Variants in STX18 observed in about 807,000 individuals in gnomAD.
STX18 encodes the protein syntaxin-18.
Under a neutral mutation model 50.1 loss-of-function variants are expected in STX18, and 40 were observed. The ratio of observed to expected loss-of-function variants is 0.80; its 90% CI spans 0.62 to 1.04. The LOEUF is 1.04. Ranked by LOEUF, STX18 falls within the 50% of genes least tolerant of loss-of-function variation. The pLI is 0.00. For synonymous variants in STX18, 158 were observed against 151.8 expected (o/e 1.04, Z -0.30); for missense variants, 410 against 415.8 (o/e 0.99, Z 0.12).
At chr4:4,534,348 G>C (rs1488767739) in intron 1 of STX18, among the ~76,000 whole-genome samples, 1 of 152,160 alleles carries the variant, frequency 6.6e-6, no homozygotes, top group African/African-American at 2.4e-5. Context: ...CTCTAACCCT[G>C]AAAACTCTGT....
At chr4:4,475,868 C>T (rs917986444) in intron 1 of STX18, among the ~76,000 whole-genome samples, 2 of 152,130 alleles carry the variant, frequency 1.3e-5, no homozygotes, top group Non-Finnish European at 2.9e-5. Flanking sequence ...TGATCCTCCC[C>T]CCTTGGCCTC....
At chr4:4,429,577 C>T (rs543007112) in intron 7 of STX18, among the ~76,000 whole-genome samples, 93 of 152,342 alleles carry the variant, frequency 6.1e-4, no homozygotes, top group African/African-American at 2.2e-3. Context: ...CCTTTCTGGA[C>T]TCTTCCAGAC....
chr4:4,473,093 CTA>C (rs1728003981), intron 1 of STX18, among the ~76,000 whole-genome samples: 1 of 152,166 alleles, frequency 6.6e-6, no homozygotes, highest in Non-Finnish European at 1.5e-5. Flanking sequence ...CCCTGCTGTG[CTA>C]TGATTCTTAC....
At chr4:4,499,446 G>C (rs761492794) in intron 1 of STX18, 18 of 973,922 alleles carry the variant, frequency 1.8e-5, no homozygotes, top group Non-Finnish European at 2.1e-5. Flanking sequence ...CTGTGCTCTG[G>C]AAAAACTTAC....
chr4:4,466,859 C>G (rs1019276663), intron 2 of STX18, among the ~76,000 whole-genome samples: 2 of 152,168 alleles, frequency 1.3e-5, no homozygotes, highest in African/African-American at 4.8e-5. Flanking sequence ...TATTATTACT[C>G]AAATCAGCCT....
chr4:4,488,503 G>T (rs1432076421), intron 1 of STX18, among the ~76,000 whole-genome samples: 1 of 152,124 alleles, frequency 6.6e-6, no homozygotes, highest in African/African-American at 2.4e-5. Context: ...TCACTTATTT[G>T]CAAGACAAGG....
chr4:4,530,390 T>C (rs2108922229), intron 1 of STX18, among the ~76,000 whole-genome samples: 1 of 150,678 alleles, frequency 6.6e-6, no homozygotes, highest in East Asian at 1.9e-4. Flanking sequence ...ATTAATTATA[T>C]ATAATAATAT....
Position 4,420,529 on chromosome 4 carries a change from G to C in STX18, c.912+335C>G. ...TGGCTGTAGTGTCCTCTGTAAGCAG[G>C]GGCCAGGCTCTGACCCCTCGGTGGG... On this transcript the variant is annotated intron_variant, in intron 10 of 10. Coordinates refer to ENST00000306200, the MANE Select transcript of STX18 (RefSeq NM_016930.4). The surrounding 1 kb of genome is among the most constrained non-coding windows in gnomAD (Gnocchi z 4.3). 2.5e-6 allele frequency: 1 copy of C among 398,254 alleles called. No individual in the cohort carries two copies. Among genetic ancestry groups the C allele is most frequent in the Non-Finnish European group, 4.5e-6 (1 of 219,882 alleles). 24.7% of individuals were successfully genotyped at this position (398,254 alleles called of 1,614,324 possible).
intron 9 of STX18, among the ~76,000 whole-genome samples, chr4:4,422,574 AAAAAAAAAAGAAAAAG>A (rs1247498563): frequency 3.3e-5 from 5 of 151,738 alleles, no homozygotes; most frequent in East Asian, 3.9e-4. Context: ...GTCTCCAAAA[AAAAAAAAAAGAAAAAG>A]AAAAAAAAAG....
chr4:4,526,636 G>C (rs1258533040), intron 1 of STX18, among the ~76,000 whole-genome samples: 1 of 152,164 alleles, frequency 6.6e-6, no homozygotes, highest in Non-Finnish European at 1.5e-5. Context: ...AAGCAAATAT[G>C]CTTGTACTGG....
intron 2 of STX18, among the ~76,000 whole-genome samples, chr4:4,460,345 C>T (rs1727315111): frequency 6.6e-6 from 1 of 152,152 alleles, no homozygotes; most frequent in Non-Finnish European, 1.5e-5. Flanking sequence ...ATGCTTGATA[C>T]ACAGCTACGA....
chr4:4,454,424 A>G (rs1726955777), intron 5 of STX18, among the ~76,000 whole-genome samples: 1 of 152,218 alleles, frequency 6.6e-6, no homozygotes, highest in Non-Finnish European at 1.5e-5. Context: ...GGTAGCAGCA[A>G]AAATCTCTTC....
rs541672900 is a variant in STX18 at position 4,462,062 on chromosome 4, G to A, written c.237-2575C>T. ...AGAGTATCAACAAGGCCACCCGCCT[G>A]CAAACCAAAGCTTTGTTTGCTGACC... On this transcript the variant is annotated intron_variant, in intron 2 of 10. Coordinates refer to ENST00000306200, the MANE Select transcript of STX18 (RefSeq NM_016930.4). 4.1e-4 allele frequency: 182 copies of A among 444,190 alleles called. 1 individual carries two copies. Among genetic ancestry groups the A allele is most frequent in the Non-Finnish European group, 5.7e-4 (126 of 220,368 alleles). The allele number at this position is 444,190 out of a possible 1,614,324, so 27.5% of individuals were successfully genotyped here.
chr4:4,423,551 G>A lies in STX18; in HGVS notation c.798C>T (p.Leu266=). ...AAACCTTTTCCGTGAATATCTCTTG[G>A]AGTCTGGAAATCTCAACCACTCTCC... ...IEGRVVEISR[L]QEIFTEKVLQ... The change falls in exon 9 of 11, where the codon CTC becomes CTT. Residue 266 remains leucine (L), a synonymous_variant. Transcript: ENST00000306200. 1 of 1,614,160 alleles carries A rather than the reference G, an allele frequency of 6.2e-7. No homozygotes were observed. Among genetic ancestry groups the A allele is most frequent in the Non-Finnish European group, 8.5e-7 (1 of 1,180,026 alleles).
At chr4:4,538,713 G>T (rs924235966) in intron 1 of STX18, among the ~76,000 whole-genome samples, 2 of 152,008 alleles carry the variant, frequency 1.3e-5, no homozygotes, top group African/African-American at 4.8e-5. Context: ...TATAGAAATG[G>T]AAAACGAGAG....
At chr4:4,463,881 G>A (rs1339290221) in intron 2 of STX18, among the ~76,000 whole-genome samples, 1 of 152,086 alleles carries the variant, frequency 6.6e-6, no homozygotes, top group Non-Finnish European at 1.5e-5. Flanking sequence ...TGCAAATGAA[G>A]TGCATTTAAA....
intron 1 of STX18, among the ~76,000 whole-genome samples, chr4:4,487,985 T>C (rs972245119): frequency 2.6e-5 from 4 of 152,188 alleles, no homozygotes; most frequent in Non-Finnish European, 5.9e-5. Context: ...TATCAAGGAA[T>C]GGCTGTACCT....
intron 5 of STX18, among the ~76,000 whole-genome samples, chr4:4,443,189 A>G (rs1577326977): frequency 6.6e-6 from 1 of 152,264 alleles, no homozygotes; most frequent in Non-Finnish European, 1.5e-5. Context: ...TCCCAAAGAT[A>G]TAACAATAAT....
chr4:4,505,901 G>A (rs976012259), intron 1 of STX18, among the ~76,000 whole-genome samples: 1 of 152,244 alleles, frequency 6.6e-6, no homozygotes, highest in Non-Finnish European at 1.5e-5. Flanking sequence ...CGGAGACCAT[G>A]TGTAAATGGA....
Sources: allele counts gnomAD v4.1 joint callset (sites outside exome capture counted in the v4.1 genomes callset), GRCh38; gene constraint gnomAD v4.1.1; non-coding constraint Gnocchi (gnomAD v3.1); transcripts MANE v1.5; gene names NCBI Gene and HGNC (gene_info 2026-07-23, HGNC 2026-07-21).